Variants in CTNNA2 observed in about 807,000 individuals in gnomAD.
The protein encoded by CTNNA2 is catenin alpha-2.
CTNNA2 carries 42 observed loss-of-function variants against 101.0 expected under a neutral mutation model. The observed-to-expected ratio is 0.42, with a 90% CI of 0.32 to 0.54. The LOEUF is 0.54. Among genes scored for constraint, CTNNA2 ranks in the 20% least tolerant of loss-of-function variants. The pLI, the probability that CTNNA2 is intolerant of heterozygous loss-of-function variation, is 0.14. For synonymous variants in CTNNA2, 450 were observed against 456.4 expected, an observed-to-expected ratio of 0.99 and a Z score of 0.18; for missense variants, 871 against 1,223.1, an observed-to-expected ratio of 0.71 and a Z score of 4.29.
chr2:79,914,023 C>A lies in CTNNA2; in HGVS notation c.1056+4226C>A, dbSNP rs1056814492. On this transcript the variant is annotated intron_variant, in intron 7 of 18. Transcript: ENST00000402739. ...TCTACTAAAAATACAAAAAATTAGC[C>A]GGGCGTAGTGGCGGGCGCCTGTGGT... 3.3e-5 allele frequency among the ~76,000 whole-genome samples: 5 copies of A among 151,290 alleles called. No homozygotes were observed. The Admixed American group carries it at 3.4e-4, about 10-fold the overall frequency.
chr2:80,591,458 T>G (rs1404292343), intron 15 of CTNNA2, among the ~76,000 whole-genome samples: 2 of 78,636 alleles, frequency 2.5e-5, no homozygotes, highest in Non-Finnish European at 4.6e-5. Context: ...GCACAGCCTG[T>G]TTTTTTTTTT....
At chr2:79,527,002 A>C (rs1672444246) in intron 1 of CTNNA2, among the ~76,000 whole-genome samples, 1 of 152,254 alleles carries the variant, frequency 6.6e-6, no homozygotes, top group Non-Finnish European at 1.5e-5. Context: ...AAAATAATGT[A>C]AATTTGACTT....
intron 7 of CTNNA2, among the ~76,000 whole-genome samples, chr2:80,238,268 T>C (rs1427573214): frequency 4.6e-5 from 7 of 152,122 alleles, no homozygotes; most frequent in Non-Finnish European, 1.0e-4. Flanking sequence ...AAGGAGGGGC[T>C]GACAGCACGT....
At position 80,328,754 on chromosome 2, in the gene CTNNA2, G is replaced by A. The variant is rs998761558; in HGVS notation, c.1057-64457G>A. The stretch of plus-strand genomic sequence containing the variant: ...ATTGACAGGATATGTTCTGAGAAAT[G>A]CGTTTTCATTGTTGGTCGAACATCG... On this transcript the variant is annotated intron_variant, in intron 7 of 18. Coordinates refer to ENST00000402739, the MANE Select transcript of CTNNA2 (RefSeq NM_001282597.3). 3.3e-5 allele frequency among the ~76,000 whole-genome samples: 5 copies of A among 152,342 alleles called. No homozygotes were observed. In the East Asian group the frequency reaches 9.6e-4, roughly 29 times the overall value.
At chr2:80,549,509 T>G (rs1171524583) in intron 11 of CTNNA2, among the ~76,000 whole-genome samples, 1 of 152,186 alleles carries the variant, frequency 6.6e-6, no homozygotes, top group East Asian at 1.9e-4. Context: ...TTGCCAAATA[T>G]AAGGAAGTTT....
At chr2:80,246,047 G>A (rs1015097247) in intron 7 of CTNNA2, among the ~76,000 whole-genome samples, 9 of 151,966 alleles carry the variant, frequency 5.9e-5, no homozygotes, top group African/African-American at 1.7e-4. Context: ...GCCCGCCTGG[G>A]CCTCCTGAAG....
At chr2:80,456,699 C>T (rs1422128251) in intron 9 of CTNNA2, among the ~76,000 whole-genome samples, 1 of 152,170 alleles carries the variant, frequency 6.6e-6, no homozygotes, top group Non-Finnish European at 1.5e-5. Flanking sequence ...GGTACTTATA[C>T]ACTTCGAGTT....
intron 7 of CTNNA2, among the ~76,000 whole-genome samples, chr2:80,248,218 A>T (rs1457907930): frequency 6.6e-6 from 1 of 152,168 alleles, no homozygotes; most frequent in East Asian, 1.9e-4. Flanking sequence ...GCAGAGGTTC[A>T]TCCTTCAGTC....
chr2:80,160,332 C>T (rs1438893572), intron 7 of CTNNA2, among the ~76,000 whole-genome samples: 5 of 152,100 alleles, frequency 3.3e-5, no homozygotes, highest in Non-Finnish European at 5.9e-5. Context: ...TTTATACGTA[C>T]AAAAGTTTTT....
intron 3 of CTNNA2, among the ~76,000 whole-genome samples, chr2:79,854,240 A>G (rs1191923308): frequency 6.6e-6 from 1 of 152,216 alleles, no homozygotes; most frequent in African/African-American, 2.4e-5. Context: ...ACACTTTTAA[A>G]CCTGTAACCA....
At chr2:80,506,130 T>A (rs1226136219) in intron 9 of CTNNA2, among the ~76,000 whole-genome samples, 1 of 152,184 alleles carries the variant, frequency 6.6e-6, no homozygotes. Flanking sequence ...AGCTATTTTC[T>A]GAGGAAGTTA....
At chr2:79,344,457 C>A (rs1440224469) in intron 3 of CTNNA2, among the ~76,000 whole-genome samples, 4 of 151,994 alleles carry the variant, frequency 2.6e-5, no homozygotes, top group Non-Finnish European at 5.9e-5. Context: ...TTCCCCACCC[C>A]CTTTGGAAAA....
At chr2:79,349,561 T>C (rs905852292) in intron 3 of CTNNA2, among the ~76,000 whole-genome samples, 3 of 152,110 alleles carry the variant, frequency 2.0e-5, no homozygotes, top group Non-Finnish European at 2.9e-5. Context: ...CAAATATAAA[T>C]GGAAAGATAA....
chr2:79,993,273 A>T (rs1266076235), intron 7 of CTNNA2, among the ~76,000 whole-genome samples: 1 of 152,170 alleles, frequency 6.6e-6, no homozygotes, highest in African/African-American at 2.4e-5. Flanking sequence ...CCTGCTCTGG[A>T]ACTCCAACAA....
At chr2:80,100,943 T>C (rs576805678) in intron 7 of CTNNA2, among the ~76,000 whole-genome samples, 1 of 152,336 alleles carries the variant, frequency 6.6e-6, no homozygotes, top group Non-Finnish European at 1.5e-5. Context: ...TAAGTCTTCA[T>C]AGAACATATT....
At chr2:79,329,884 T>C (rs1676831857) in intron 3 of CTNNA2, among the ~76,000 whole-genome samples, 1 of 152,198 alleles carries the variant, frequency 6.6e-6, no homozygotes, top group African/African-American at 2.4e-5. Flanking sequence ...GACATCACTC[T>C]TCTCTTAGTG....
intron 9 of CTNNA2, among the ~76,000 whole-genome samples, chr2:80,540,399 C>G (rs1691449850): frequency 1.3e-5 from 2 of 151,944 alleles, no homozygotes; most frequent in African/African-American, 4.8e-5. Context: ...GAGTTCGAGA[C>G]CAGCCTGGCT....
chr2:79,425,995 C>T (rs1246273777), intron 4 of CTNNA2, among the ~76,000 whole-genome samples: 3 of 151,934 alleles, frequency 2.0e-5, no homozygotes, highest in Non-Finnish European at 4.4e-5. Context: ...TTTTGTGGAC[C>T]GGCTGTAAGT....
At chr2:79,642,542 G>A (rs1215287436) in intron 1 of CTNNA2, among the ~76,000 whole-genome samples, 1 of 152,174 alleles carries the variant, frequency 6.6e-6, no homozygotes. Flanking sequence ...TAGGGGAAAT[G>A]GGCTTAGATT....
Sources: gnomAD v4.1 joint callset for allele counts (sites outside exome capture counted in the v4.1 genomes callset) on GRCh38, gnomAD v4.1.1 for gene constraint, MANE v1.5 for transcripts, NCBI Gene and HGNC (gene_info 2026-07-23, HGNC 2026-07-21) for gene names.